ZNF804A: variants seen among roughly 807,000 people sequenced by gnomAD.
ZNF804A encodes zinc finger protein 804A.
Under a neutral mutation model 16.5 loss-of-function variants are expected in ZNF804A, and 2 were observed. That is an observed-to-expected ratio of 0.12 (90% CI 0.05 to 0.38). The LOEUF (loss-of-function observed/expected upper bound fraction) is 0.38. Among genes scored for constraint, ZNF804A ranks in the 10% least tolerant of loss-of-function variants. The pLI is 0.99. For missense variants in ZNF804A, 1,473 were observed against 1,390.7 expected (o/e 1.06, Z -0.94); for synonymous variants, 534 against 489.6 (o/e 1.09, Z -1.20).
At chr2:184,765,423 G>C (rs1236248628) in intron 1 of ZNF804A, among the ~76,000 whole-genome samples, 1 of 152,088 alleles carries the variant, frequency 6.6e-6, no homozygotes, top group Non-Finnish European at 1.5e-5. Flanking sequence ...CCCTGGGCCT[G>C]GTAGTTAAAG....
chr2:184,666,467 T>C (rs1005350119), intron 1 of ZNF804A, among the ~76,000 whole-genome samples: 6 of 152,040 alleles, frequency 3.9e-5, no homozygotes, highest in African/African-American at 1.4e-4. Flanking sequence ...GAATAACATA[T>C]GCAAATAGAA....
intron 1 of ZNF804A, among the ~76,000 whole-genome samples, chr2:184,855,477 C>T (rs1468804432): frequency 6.6e-6 from 1 of 152,016 alleles, no homozygotes; most frequent in South Asian, 2.1e-4. Context: ...TCAAACATAA[C>T]TTTTATAGCA....
chr2:184,880,837 A>G (rs910069132), intron 2 of ZNF804A, among the ~76,000 whole-genome samples: 4 of 152,108 alleles, frequency 2.6e-5, no homozygotes, highest in African/African-American at 7.2e-5. Flanking sequence ...AACAACACCA[A>G]TACCACCTAT....
chr2:184,894,434 TA>T (rs1685034208), intron 2 of ZNF804A, among the ~76,000 whole-genome samples: 2 of 152,240 alleles, frequency 1.3e-5, no homozygotes, highest in Admixed American at 1.3e-4. Context: ...TTTTTACTAT[TA>T]AAAATTTTTT....
intron 1 of ZNF804A, among the ~76,000 whole-genome samples, chr2:184,618,871 T>C (rs1691373455): frequency 6.6e-6 from 1 of 152,134 alleles, no homozygotes; most frequent in South Asian, 2.1e-4. Context: ...TACACGTTTA[T>C]AGAGATTGGT....
At chr2:184,745,249 C>T (rs1005478323) in intron 1 of ZNF804A, among the ~76,000 whole-genome samples, 2 of 151,666 alleles carry the variant, frequency 1.3e-5, no homozygotes, top group Admixed American at 1.3e-4. Flanking sequence ...AAATTTGAAA[C>T]TGTACCCTAC....
intron 1 of ZNF804A, among the ~76,000 whole-genome samples, chr2:184,633,711 C>A (rs1037848969): frequency 6.6e-6 from 1 of 152,028 alleles, no homozygotes; most frequent in Non-Finnish European, 1.5e-5. Flanking sequence ...TACATTTTAG[C>A]GTTTTTGTAA....
chr2:184,658,948 C>T (rs1692124185), intron 1 of ZNF804A, among the ~76,000 whole-genome samples: 1 of 152,098 alleles, frequency 6.6e-6, no homozygotes, highest in Admixed American at 6.5e-5. Flanking sequence ...TATTCTACCT[C>T]AGAATATTCC....
chr2:184,791,047 C>T (rs1694532179), intron 1 of ZNF804A, among the ~76,000 whole-genome samples: 1 of 152,096 alleles, frequency 6.6e-6, no homozygotes, highest in African/African-American at 2.4e-5. Context: ...TACCCTTTTG[C>T]TTTGAGTCTG....
chr2:184,701,722 T>C (rs1159209002), intron 1 of ZNF804A, among the ~76,000 whole-genome samples: 1 of 151,970 alleles, frequency 6.6e-6, no homozygotes, highest in Non-Finnish European at 1.5e-5. Context: ...GCAAATTAAA[T>C]GCTATGCATT....
intron 1 of ZNF804A, among the ~76,000 whole-genome samples, chr2:184,857,533 G>A (rs560472649): frequency 3.6e-4 from 55 of 152,098 alleles, no homozygotes; most frequent in African/African-American, 1.3e-3. Context: ...TTTCCTTATT[G>A]ATTTTCTGTC....
chr2:184,879,927 C>T (rs1468460225), intron 2 of ZNF804A, among the ~76,000 whole-genome samples: 2 of 152,066 alleles, frequency 1.3e-5, no homozygotes, highest in Admixed American at 6.6e-5. Context: ...GGAGAGATTA[C>T]TGCTTGTAAC....
Position 184,625,983 on chromosome 2 carries a change from C to G in ZNF804A, c.111+26913C>G, listed in dbSNP as rs562526863. 2.3e-3 allele frequency among the ~76,000 whole-genome samples: 350 copies of G among 152,276 alleles called. 1 individual carries two copies. Among genetic ancestry groups the G allele is most frequent in the African/African-American group, 7.7e-3 (322 of 41,558 alleles). Reference sequence around the variant, plus strand: ...TCCCGGGTTCACGCCGTTCTCCTGCCTCAGCCTCCCAGGTAGCTGGGACTA... The same window carrying G: ...TCCCGGGTTCACGCCGTTCTCCTGCGTCAGCCTCCCAGGTAGCTGGGACTA... On this transcript the variant is annotated intron_variant, in intron 1 of 3. Transcript: ENST00000302277.
chr2:184,938,033 G>A lies in ZNF804A; in HGVS notation c.2637G>A (p.Leu879=). The stretch of plus-strand genomic sequence containing the variant: ...AAACAAACCAATTAAGAAACAAACT[G>A]TCTTTCCACCCTAACAATCTCCTTC... ...SEQTNQLRNK[L]SFHPNNLLPS... is the part of the protein sequence containing the mutation. Residue 879 remains leucine (L), a synonymous_variant, in exon 4 of 4, where the codon CTG becomes CTA. Coordinates refer to ENST00000302277, the MANE Select transcript of ZNF804A (RefSeq NM_194250.2). 2 of 1,613,974 alleles carry A rather than the reference G, an allele frequency of 1.2e-6. No individual in the cohort carries two copies. The highest frequency in any genetic ancestry group is 1.7e-6 in the Non-Finnish European group (2 of 1,179,996).
chr2:184,912,319 C>T (rs1400661206), intron 2 of ZNF804A, among the ~76,000 whole-genome samples: 1 of 151,978 alleles, frequency 6.6e-6, no homozygotes, highest in East Asian at 1.9e-4. Context: ...TTGTATATTC[C>T]TTGGATATAT....
chr2:184,607,872 T>C (rs1423698966), intron 1 of ZNF804A, among the ~76,000 whole-genome samples: 1 of 149,754 alleles, frequency 6.7e-6, no homozygotes, highest in Non-Finnish European at 1.5e-5. Context: ...TTGAACCAAG[T>C]TGGGAACATT....
intron 2 of ZNF804A, among the ~76,000 whole-genome samples, chr2:184,903,264 G>A (rs1309325541): frequency 6.6e-6 from 1 of 152,060 alleles, no homozygotes; most frequent in East Asian, 1.9e-4. Flanking sequence ...CAAAAATACA[G>A]TCAAGCACCA....
chr2:184,686,080 C>G (rs72899976), intron 1 of ZNF804A, among the ~76,000 whole-genome samples: 7,898 of 152,320 alleles, frequency 0.052, 262 homozygotes, highest in Non-Finnish European at 0.077. Context: ...CAACTTTGCT[C>G]CACACTGGAG....
At chr2:184,761,502 T>A (rs1340744770) in intron 1 of ZNF804A, among the ~76,000 whole-genome samples, 2 of 152,096 alleles carry the variant, frequency 1.3e-5, no homozygotes, top group South Asian at 2.1e-4. Context: ...TTTAAGGCAA[T>A]AGCGGGAATA....
Sources: allele counts gnomAD v4.1 joint callset (sites outside exome capture counted in the v4.1 genomes callset), GRCh38; gene constraint gnomAD v4.1.1; transcripts MANE v1.5; gene names NCBI Gene and HGNC (gene_info 2026-07-23, HGNC 2026-07-21).